The following COL24A1 variants were observed in gnomAD, a reference collection of about 807,000 sequenced individuals.
COL24A1 encodes the protein collagen alpha-1(XXIV) chain.
In COL24A1, 224 loss-of-function variants were observed where a neutral mutation model predicts 253.9. The observed-to-expected ratio is 0.88, with a 90% CI of 0.79 to 0.99. The LOEUF (loss-of-function observed/expected upper bound fraction) is 0.99, where lower values mean the gene tolerates loss of function less well. Ranked by LOEUF, COL24A1 falls within the 50% of genes least tolerant of loss-of-function variation. COL24A1 has a pLI of 0.00. For synonymous variants in COL24A1, 685 were observed against 673.7 expected (o/e 1.02, Z -0.26); for missense variants, 2,131 against 2,068.5 (o/e 1.03, Z -0.59).
At chr1:85,845,039 T>C (rs901200309) in intron 39 of COL24A1, among the ~76,000 whole-genome samples, 4 of 151,868 alleles carry the variant, frequency 2.6e-5, no homozygotes, top group African/African-American at 9.7e-5. Context: ...AATGAAGAAA[T>C]AGGCCTACTT....
At position 85,997,957 on chromosome 1, in the gene COL24A1, G is replaced by A. The variant is rs2134411; in HGVS notation, c.2311-10303C>T. Among the ~76,000 whole-genome samples the A allele has an allele frequency of 9.4e-3, 1,428 of 152,196 alleles. 24 individuals are homozygous for A. Among genetic ancestry groups the A allele is most frequent in the East Asian group, 0.046 (237 of 5,164 alleles). ...TGTTCCTGTGAATGTAGCCAACAGA[G>A]AAATGCCAGGATAAGATTTACAGAG... is the stretch of plus-strand genomic sequence containing the variant. On this transcript the variant is annotated intron_variant, in intron 19 of 59. Transcript: ENST00000370571.
intron 19 of COL24A1, among the ~76,000 whole-genome samples, chr1:85,991,917 ATTTT>A (rs1045266468): frequency 3.9e-4 from 59 of 150,402 alleles, no homozygotes; most frequent in African/African-American, 1.4e-3. Context: ...TTATTTTATT[ATTTT>A]TTATTATACT....
chr1:85,852,840 T>C (rs776224293), intron 37 of COL24A1, among the ~76,000 whole-genome samples: 3 of 152,172 alleles, frequency 2.0e-5, no homozygotes, highest in Admixed American at 6.5e-5. Context: ...TTTAGAGACA[T>C]TGTCTTGCTA....
Position 85,745,482 on chromosome 1 carries a change from T to C in COL24A1, c.4462A>G (p.Ile1488Val), listed in dbSNP as rs755142867. 8.7e-6 allele frequency: 14 copies of C among 1,610,332 alleles called. No homozygotes were observed. Among genetic ancestry groups the C allele is most frequent in the Non-Finnish European group, 1.2e-5 (14 of 1,178,562 alleles). ...PRKQMDINAA[I>V]QALIESNTAL... The stretch of plus-strand genomic sequence containing the variant: ...GTATTTGATTCAATCAAGGCTTGAA[T>C]AGCAGCATTGATATCCATTTGCTTC... Residue 1488 changes from isoleucine (I) to valine (V), a missense_variant, in exon 56 of 60, where the codon ATT becomes GTT. By Grantham distance (29) the Ile-to-Val change is conservative (BLOSUM62 3). Transcript: ENST00000370571.
intron 24 of COL24A1, among the ~76,000 whole-genome samples, chr1:85,916,814 A>G (rs1018246171): frequency 7.2e-5 from 11 of 152,240 alleles, no homozygotes; most frequent in African/African-American, 2.7e-4. Flanking sequence ...AATAGTATAA[A>G]TTGGTACAAT....
intron 28 of COL24A1, among the ~76,000 whole-genome samples, chr1:85,903,289 T>G (rs1022085316): frequency 2.0e-5 from 3 of 152,188 alleles, no homozygotes; most frequent in African/African-American, 7.2e-5. Flanking sequence ...AGAAGAACTC[T>G]AGGAAAGCTT....
At chr1:85,992,166 T>C (rs1450473661) in intron 19 of COL24A1, among the ~76,000 whole-genome samples, 4 of 151,676 alleles carry the variant, frequency 2.6e-5, no homozygotes, top group Non-Finnish European at 5.9e-5. Context: ...AGTGAGAACA[T>C]GCGGTGTTTG....
chr1:86,122,717 T>C (rs1647570006), intron 3 of COL24A1, among the ~76,000 whole-genome samples: 1 of 152,050 alleles, frequency 6.6e-6, no homozygotes, highest in African/African-American at 2.4e-5. Context: ...CTACCAAGTC[T>C]TCCTACAAAA....
At chr1:86,074,672 TCACA>T (rs1157830415) in intron 7 of COL24A1, among the ~76,000 whole-genome samples, 4 of 152,054 alleles carry the variant, frequency 2.6e-5, no homozygotes, top group African/African-American at 9.7e-5. Context: ...CAGCACCACA[TCACA>T]CTTGTTCTAA....
intron 12 of COL24A1, among the ~76,000 whole-genome samples, chr1:86,045,317 T>C: frequency 6.6e-6 from 1 of 152,030 alleles, no homozygotes; most frequent in Non-Finnish European, 1.5e-5. Context: ...TAGTAAAGGG[T>C]AAGGTAGCAT....
chr1:85,765,304 T>C (rs1667242452), intron 53 of COL24A1, among the ~76,000 whole-genome samples: 1 of 151,732 alleles, frequency 6.6e-6, no homozygotes. Context: ...TAGTATATTA[T>C]AAATATGAAG....
chr1:86,019,540 A>G (rs967869981), intron 18 of COL24A1, among the ~76,000 whole-genome samples: 3 of 150,546 alleles, frequency 2.0e-5, no homozygotes, highest in African/African-American at 4.9e-5. Flanking sequence ...CCTGAGCAAC[A>G]GAGGGAGGCC....
intron 3 of COL24A1, among the ~76,000 whole-genome samples, chr1:86,119,534 C>G (rs921539891): frequency 6.6e-6 from 1 of 152,080 alleles, no homozygotes; most frequent in African/African-American, 2.4e-5. Context: ...CACAAATCCC[C>G]CTATCACTTC....
rs12742014 is a variant in COL24A1 at position 86,063,707 on chromosome 1, G to A, written c.1752+8C>T. ...ACATGATACAAGTCTTATAAAGGAA[G>A]TACCTACTTGTTCACCTGGAAGTCC... On this transcript the variant is annotated splice_region_variant and intron_variant, in intron 8 of 59. Transcript: ENST00000370571. 0.13 allele frequency: 194,684 copies of A among 1,534,586 alleles called. 13,824 individuals are homozygous for A. The highest frequency in any genetic ancestry group is 0.14 in the African/African-American group (10,055 of 72,276).
At chr1:85,836,464 T>C (rs1414814925) in intron 43 of COL24A1, among the ~76,000 whole-genome samples, 1 of 152,240 alleles carries the variant, frequency 6.6e-6, no homozygotes, top group Non-Finnish European at 1.5e-5. Flanking sequence ...AGTGAAATCA[T>C]AGCATATACA....
At chr1:85,810,214 G>A (rs1478104878) in intron 47 of COL24A1, among the ~76,000 whole-genome samples, 4 of 152,156 alleles carry the variant, frequency 2.6e-5, no homozygotes, top group Admixed American at 1.3e-4. Flanking sequence ...TAATATATTA[G>A]CATGCTAAAA....
At chr1:85,917,147 A>G (rs1157411129) in intron 24 of COL24A1, among the ~76,000 whole-genome samples, 2 of 152,224 alleles carry the variant, frequency 1.3e-5, no homozygotes, top group Non-Finnish European at 2.9e-5. Context: ...ACATTTTAGG[A>G]ATATAATGTT....
At chr1:85,882,244 G>C (rs941932304) in intron 32 of COL24A1, among the ~76,000 whole-genome samples, 1 of 152,146 alleles carries the variant, frequency 6.6e-6, no homozygotes, top group African/African-American at 2.4e-5. Context: ...TTGGGAGGCT[G>C]AGGCGGGCGG....
intron 47 of COL24A1, among the ~76,000 whole-genome samples, chr1:85,805,109 GGGGATTACA>G (rs1390219321): frequency 5.9e-5 from 9 of 152,096 alleles, no homozygotes; most frequent in African/African-American, 2.2e-4. Flanking sequence ...CCAAAGAGCT[GGGGATTACA>G]GGCATGAGCC....
Sources: allele counts gnomAD v4.1 joint callset (sites outside exome capture counted in the v4.1 genomes callset), GRCh38; gene constraint gnomAD v4.1.1; transcripts MANE v1.5; gene names NCBI Gene and HGNC (gene_info 2026-07-23, HGNC 2026-07-21).